Variants in DICER1 observed in about 807,000 individuals in gnomAD.
DICER1 encodes endoribonuclease Dicer.
A neutral mutation model predicts 194.1 loss-of-function variants in DICER1; 43 were observed. The observed-to-expected ratio is 0.22, with a 90% CI of 0.17 to 0.29. The LOEUF (loss-of-function observed/expected upper bound fraction) is 0.29, where lower values mean the gene tolerates loss of function less well. DICER1 is among the 10% of genes least tolerant of loss of function. The pLI is 1.00. For synonymous variants in DICER1, 832 were observed against 820.5 expected, an observed-to-expected ratio of 1.01 and a Z score of -0.24; for missense variants, 1,608 against 2,317.0, an observed-to-expected ratio of 0.69 and a Z score of 6.28.
chr14:95,133,239 A>G (rs1894104781), intron 2 of DICER1, 76 bp downstream of exon 2: 11 of 1,513,716 alleles, frequency 7.3e-6, no homozygotes, highest in Admixed American at 6.7e-5. Flanking sequence ...TGAGTTTTAT[A>G]TAAGTTGTGT....
At chr14:95,129,688 G>C in intron 5 of DICER1, 56 bp from the exon 6 acceptor site, 1 of 1,489,146 alleles carries the variant, frequency 6.7e-7, no homozygotes. Context: ...GCTATAACAA[G>C]AGAGACATCG....
chr14:95,115,822 C>T lies in DICER1; in HGVS notation c.1753-1G>A. 1 of 1,614,054 alleles carries T rather than the reference C, an allele frequency of 6.2e-7. No individual in the cohort carries two copies. The highest frequency in any genetic ancestry group is 8.5e-7 in the Non-Finnish European group (1 of 1,179,952). On this transcript the variant is annotated splice_acceptor_variant, in intron 10 of 26. Transcript: ENST00000343455. LOFTEE classifies it high-confidence loss of function. ...ACTTGGAACACTTGTTTCTCAAGAT[C>T]TGAACATTTAAAAAACAGAACTTAT...
chr14:95,117,317 G>A (rs1440618989), intron 9 of DICER1, among the ~76,000 whole-genome samples: 1 of 151,998 alleles, frequency 6.6e-6, no homozygotes, highest in Non-Finnish European at 1.5e-5. Context: ...AAGAGTTAAG[G>A]TCATACATGC....
At chr14:95,156,750 G>C (rs1256014177) in intron 1 of DICER1, among the ~76,000 whole-genome samples, 60 of 152,162 alleles carry the variant, frequency 3.9e-4, no homozygotes, top group Admixed American at 3.9e-3. Flanking sequence ...CTCCCGGGAG[G>C]GACCGAGAGC....
At chr14:95,131,968 G>C (rs1287929860) in intron 3 of DICER1, among the ~76,000 whole-genome samples, 1 of 152,114 alleles carries the variant, frequency 6.6e-6, no homozygotes, top group Non-Finnish European at 1.5e-5. Context: ...ATTTAAAGCA[G>C]ATAGTTATAC....
chr14:95,139,138 A>T (rs575891623), intron 1 of DICER1, among the ~76,000 whole-genome samples: 2 of 152,314 alleles, frequency 1.3e-5, no homozygotes, highest in East Asian at 3.9e-4. Context: ...AAAGTGTTTA[A>T]TCCTGTATTT....
chr14:95,147,610 C>T (rs958999534), intron 1 of DICER1, among the ~76,000 whole-genome samples: 19 of 152,282 alleles, frequency 1.2e-4, no homozygotes, highest in Admixed American at 1.2e-3. Context: ...GGTTTCTCCC[C>T]AACAACAAGC....
In DICER1 at chr14:95,116,819, C is replaced by T. The variant is rs543398730; in HGVS notation, c.1510-124G>A. ...CACATGCTCTTGGGCATTCTAAATC[C>T]TTAAGGCCAGGCTAAAGAAGATGAC... is the stretch of plus-strand genomic sequence containing the variant. On this transcript the variant is annotated intron_variant, in intron 9 of 26. Coordinates refer to ENST00000343455, the MANE Select transcript of DICER1 (RefSeq NM_177438.3). 1.4e-4 allele frequency: 135 copies of T among 977,418 alleles called. 2 individuals carry two copies. Among genetic ancestry groups the T allele is most frequent in the East Asian group, 1.0e-3 (44 of 42,014 alleles). The allele number at this position is 977,418 out of a possible 1,614,324, so 60.5% of individuals were successfully genotyped here.
chr14:95,142,113 T>C (rs1953536), intron 1 of DICER1, among the ~76,000 whole-genome samples: 89,551 of 151,836 alleles, frequency 0.59, 28,672 homozygotes, highest in South Asian at 0.77. Context: ...TTTTTCTTTT[T>C]GTTTTTTATT....
rs1302586227 is a variant in DICER1 at position 95,088,395 on chromosome 14, C to T, written c.*2103G>A. The T allele has an allele frequency of 4.3e-6, 1 of 232,570 alleles. No homozygotes were observed. Among genetic ancestry groups the T allele is most frequent in the Non-Finnish European group, 8.5e-6 (1 of 117,412 alleles). 14.4% of individuals were successfully genotyped at this position (232,570 alleles called of 1,614,324 possible). A position where few individuals can be genotyped will look rare whatever the true frequency, so the allele number is the denominator to read the frequency against. On this transcript the variant is annotated 3_prime_UTR_variant, in exon 27 of 27. Coordinates refer to ENST00000343455, the MANE Select transcript of DICER1 (RefSeq NM_177438.3). ...CAATGTATTAGACACAATGCAAAGC[C>T]CTAAGCTCCTGGCATCAGGTAGTTT...
At chr14:95,117,531 G>A (rs1595414452) in intron 9 of DICER1, 91 bp downstream of exon 9, 5 of 1,326,358 alleles carry the variant, frequency 3.8e-6, no homozygotes, top group Non-Finnish European at 4.3e-6. Flanking sequence ...TAGTAATTCT[G>A]GGAAACTATG....
At chr14:95,125,215 C>A (rs1893302964) in intron 7 of DICER1, among the ~76,000 whole-genome samples, 1 of 151,178 alleles carries the variant, frequency 6.6e-6, no homozygotes, top group South Asian at 2.1e-4. Flanking sequence ...TTTCTTTTTT[C>A]TTTCTTTCTT....
Position 95,124,732 on chromosome 14 carries a change from G to A in DICER1, c.904-64C>T. The A allele has an allele frequency of 7.5e-7, 1 of 1,339,442 alleles. No homozygotes were observed. 83.0% of individuals were successfully genotyped at this position (1,339,442 alleles called of 1,614,324 possible). A position where few individuals can be genotyped will look rare whatever the true frequency, so the allele number is the denominator to read the frequency against. On this transcript the variant is annotated intron_variant, in intron 7 of 26. Transcript: ENST00000343455. This position sits in a 1 kb window ranked among gnomAD's most constrained non-coding sequence, Gnocchi z 4.5. ...ATAATAATGTAGCATTTTCATGTGG[G>A]GTTTAACTGGGATTTCAGTTGTTCT... is the stretch of plus-strand genomic sequence containing the variant.
intron 6 of DICER1, among the ~76,000 whole-genome samples, chr14:95,127,680 T>C (rs1893592280): frequency 1.3e-5 from 2 of 152,270 alleles, no homozygotes; most frequent in Admixed American, 6.5e-5. Flanking sequence ...TTTCAGATTT[T>C]GGAGCATTTT....
Position 95,124,112 on chromosome 14 carries a change from C to T in DICER1, c.1376+84G>A, listed in dbSNP as rs915141979. On this transcript the variant is annotated intron_variant, in intron 8 of 26. Transcript: ENST00000343455. The surrounding 1 kb of genome is among the most constrained non-coding windows in gnomAD (Gnocchi z 4.5). ...GACACTTACATAACCCTCATGCTAG[C>T]TCTTACAGCTGCTGCAGCGCATCAC... 4 of 986,414 alleles carry T rather than the reference C, an allele frequency of 4.1e-6. No individual in the cohort carries two copies. The African/African-American group carries it at 6.4e-5, about 16-fold the overall frequency. The allele number at this position is 986,414 out of a possible 1,614,324, so 61.1% of individuals were successfully genotyped here.
rs878855239 is a variant in DICER1, at chr14:95,124,483, G to T, written c.1089C>A (p.Phe363Leu). 1 of 1,614,020 alleles carries T rather than the reference G, an allele frequency of 6.2e-7. No individual in the cohort carries two copies. The highest frequency in any genetic ancestry group is 8.5e-7 in the Non-Finnish European group (1 of 1,180,042). ...ATTTCAGGTCAAGTGAGGCAGGTGA[G>T]AAGTGCTCTTCACATAGTGCATGTA... ...RKIHALCEEH[F>L]SPASLDLKFV... The change falls in exon 8 of 27, where the codon TTC becomes TTA. Residue 363 changes from phenylalanine to leucine, a missense_variant. Physicochemically the swap from Phe to Leu is conservative, Grantham distance 22. Around this residue, in one of 10 missense-constraint regions of DICER1, gnomAD observed 657 missense variants for 910.1 expected, o/e 0.72. Coordinates refer to ENST00000343455, the MANE Select transcript of DICER1 (RefSeq NM_177438.3). This position sits in a 1 kb window ranked among gnomAD's most constrained non-coding sequence, Gnocchi z 4.5.
At chr14:95,135,751 G>A (rs544031462) in intron 1 of DICER1, among the ~76,000 whole-genome samples, 4 of 152,164 alleles carry the variant, frequency 2.6e-5, no homozygotes, top group Admixed American at 6.5e-5. Flanking sequence ...TCTTTTTAGC[G>A]CTGAATAATA....
At chr14:95,090,699 G>A in intron 26 of DICER1, 36 bp from the exon 27 acceptor site, 2 of 1,611,672 alleles carry the variant, frequency 1.2e-6, no homozygotes, top group Non-Finnish European at 1.7e-6. Context: ...TTAGAAGTCA[G>A]AAGTATTTAT....
intron 1 of DICER1, among the ~76,000 whole-genome samples, chr14:95,148,269 G>A (rs923286865): frequency 1.3e-5 from 2 of 152,134 alleles, no homozygotes; most frequent in Admixed American, 1.3e-4. Context: ...TCCCTCCCCA[G>A]AGGTTGGAGG....
Sources: gnomAD v4.1 joint callset for allele counts (sites outside exome capture counted in the v4.1 genomes callset) on GRCh38, gnomAD v4.1.1 for gene constraint, gnomAD v4.1.1 regional missense constraint, Gnocchi (gnomAD v3.1) non-coding constraint, MANE v1.5 for transcripts, NCBI Gene and HGNC (gene_info 2026-07-23, HGNC 2026-07-21) for gene names.